Variants in CENPP observed in about 807,000 individuals in gnomAD.
CENPP encodes centromere protein P.
Under a neutral mutation model 35.6 loss-of-function variants are expected in CENPP, and 24 were observed. The ratio of observed to expected loss-of-function variants is 0.67; its 90% CI spans 0.49 to 0.95. The LOEUF (loss-of-function observed/expected upper bound fraction) is 0.95. Ranked by LOEUF, CENPP falls within the 40% of genes least tolerant of loss-of-function variation. The probability of loss-of-function intolerance (pLI) is 0.00; values close to 1 mark genes in which losing one functional copy is unlikely to be tolerated. For synonymous variants in CENPP, 120 were observed against 125.5 expected, an observed-to-expected ratio of 0.96 and a Z score of 0.29; for missense variants, 332 against 345.3, an observed-to-expected ratio of 0.96 and a Z score of 0.31.
At chr9:92,352,023 CTT>C (rs113545279) in intron 4 of CENPP, among the ~76,000 whole-genome samples, 3,210 of 132,340 alleles carry the variant, frequency 0.024, 47 homozygotes, top group South Asian at 0.071. Flanking sequence ...TTTTCTTTTC[CTT>C]TTTTTTTTTT....
intron 5 of CENPP, among the ~76,000 whole-genome samples, chr9:92,388,550 A>C (rs953688226): frequency 9.9e-5 from 15 of 151,968 alleles, no homozygotes; most frequent in African/African-American, 4.8e-5. Flanking sequence ...TTTAAAACAA[A>C]AAAAAAAAGG....
At chr9:92,449,250 G>T (rs1357248528) in intron 5 of CENPP, among the ~76,000 whole-genome samples, 1 of 151,776 alleles carries the variant, frequency 6.6e-6, no homozygotes, top group Non-Finnish European at 1.5e-5. Flanking sequence ...GACCATCGTG[G>T]CTAACACAGT....
chr9:92,411,142 T>C (rs2130947759), intron 5 of CENPP, among the ~76,000 whole-genome samples: 1 of 152,160 alleles, frequency 6.6e-6, no homozygotes, highest in South Asian at 2.1e-4. Flanking sequence ...CCAGCTACTT[T>C]TTTGTATTTT....
intron 5 of CENPP, among the ~76,000 whole-genome samples, chr9:92,552,190 T>TACACAC (rs59704602): frequency 0.045 from 4,707 of 104,164 alleles, 337 homozygotes; most frequent in Middle Eastern, 0.074. Flanking sequence ...ATCTATCATA[T>TACACAC]ACACACACAC....
At chr9:92,332,078 G>T in intron 1 of CENPP, 92 bp from the exon 2 acceptor site, 1 of 706,214 alleles carries the variant, frequency 1.4e-6, no homozygotes, top group Non-Finnish European at 2.2e-6. Context: ...AGAGTAAGAG[G>T]GACAAAATGG....
intron 5 of CENPP, among the ~76,000 whole-genome samples, chr9:92,486,916 G>A (rs935838522): frequency 1.3e-5 from 2 of 151,904 alleles, no homozygotes; most frequent in African/African-American, 2.4e-5. Flanking sequence ...TGAGTAGCTG[G>A]GATTACAGGT....
At chr9:92,330,688 G>GT (rs11396197) in intron 1 of CENPP, among the ~76,000 whole-genome samples, 42,777 of 120,984 alleles carry the variant, frequency 0.35, 8,424 homozygotes, top group African/African-American at 0.59. Context: ...TCTTTTCTTT[G>GT]TTTTTTTTTT....
intron 5 of CENPP, among the ~76,000 whole-genome samples, chr9:92,471,851 C>A (rs978583149): frequency 2.6e-5 from 4 of 151,778 alleles, no homozygotes; most frequent in Non-Finnish European, 5.9e-5. Flanking sequence ...CTAGACACAG[C>A]GTTTCGCCAT....
At chr9:92,441,124 G>T (rs757625112) in intron 5 of CENPP, among the ~76,000 whole-genome samples, 1 of 152,132 alleles carries the variant, frequency 6.6e-6, no homozygotes, top group Non-Finnish European at 1.5e-5. Context: ...ACAAGTGCAT[G>T]AATTTTTGTA....
At position 92,617,086 on chromosome 9, in the gene CENPP, G is replaced by GTAAC. The variant is rs1851465441; in HGVS notation, c.*3940_*3943dup. 6.6e-6 allele frequency: 1 copy of GTAAC among 152,212 alleles called. No individual in the cohort carries two copies. The highest frequency in any genetic ancestry group is 2.4e-5 in the African/African-American group (1 of 41,440). The allele number at this position is 152,212 out of a possible 1,614,324, so 9.4% of individuals were successfully genotyped here. On this transcript the variant is annotated 3_prime_UTR_variant, in exon 8 of 8. Transcript: ENST00000375587. Reference sequence around the variant, plus strand: ...ATCCCTGACTAAGCTGCTGGGGTAAGTAACTATTCTCATCTGAAGAGTAAA... The same window carrying GTAAC: ...ATCCCTGACTAAGCTGCTGGGGTAAGTAACTAACTATTCTCATCTGAAGAGTAAA...
chr9:92,398,283 C>A (rs1481828058), intron 5 of CENPP, among the ~76,000 whole-genome samples: 2 of 152,028 alleles, frequency 1.3e-5, no homozygotes, highest in Non-Finnish European at 2.9e-5. Flanking sequence ...TGTTTGTATT[C>A]CAATTTGGGT....
At chr9:92,510,148 C>G (rs1847248961) in intron 5 of CENPP, 15 of 1,189,910 alleles carry the variant, frequency 1.3e-5, no homozygotes, top group Non-Finnish European at 1.6e-5. Flanking sequence ...TAGGCTTAGA[C>G]AGTAATGTCC....
intron 5 of CENPP, chr9:92,502,721 A>T: frequency 7.8e-7 from 1 of 1,285,910 alleles, no homozygotes; most frequent in Non-Finnish European, 1.1e-6. Flanking sequence ...CATGGAGACT[A>T]AAATAGTGAC....
chr9:92,606,739 A>G (rs1429846773), intron 5 of CENPP, among the ~76,000 whole-genome samples: 2 of 152,060 alleles, frequency 1.3e-5, no homozygotes, highest in African/African-American at 2.4e-5. Context: ...CCCCATCTCT[A>G]CTAAAAATAC....
At chr9:92,343,001 A>AC (rs921915521) in intron 3 of CENPP, among the ~76,000 whole-genome samples, 12 of 152,202 alleles carry the variant, frequency 7.9e-5, no homozygotes, top group African/African-American at 2.9e-4. Flanking sequence ...TGACACAGCA[A>AC]CCTTGTGTGT....
In CENPP at chr9:92,354,043, T is replaced by C. The variant is rs1841530092; in HGVS notation, c.467+8256T>C. Among the ~76,000 whole-genome samples the C allele has an allele frequency of 1.3e-5, 2 of 152,218 alleles. 1 individual carries two copies. Among genetic ancestry groups the C allele is most frequent in the South Asian group, 4.1e-4 (2 of 4,834 alleles). On this transcript the variant is annotated intron_variant, in intron 4 of 7. Transcript: ENST00000375587. ...AACATGGTAAGACCAGTGAATTCCA[T>C]GAGCATGAGCCCACTGCTGCACTTC...
At chr9:92,573,903 G>A (rs545345854) in intron 5 of CENPP, among the ~76,000 whole-genome samples, 10 of 152,322 alleles carry the variant, frequency 6.6e-5, no homozygotes, top group South Asian at 2.1e-4. Flanking sequence ...TGAGCCAGGC[G>A]CGGGATGTAA....
At chr9:92,608,662 G>A (rs932415773) in intron 5 of CENPP, among the ~76,000 whole-genome samples, 4 of 152,140 alleles carry the variant, frequency 2.6e-5, no homozygotes, top group Non-Finnish European at 4.4e-5. Context: ...CCGTGACCTT[G>A]GCTAAAAGAA....
At chr9:92,379,402 G>T (rs1382426298) in intron 4 of CENPP, among the ~76,000 whole-genome samples, 1 of 152,208 alleles carries the variant, frequency 6.6e-6, no homozygotes, top group Non-Finnish European at 1.5e-5. Context: ...TATCACTCAG[G>T]AAGTTCCAAG....
Sources: gnomAD v4.1 joint callset for allele counts (sites outside exome capture counted in the v4.1 genomes callset) on GRCh38, gnomAD v4.1.1 for gene constraint, MANE v1.5 for transcripts, NCBI Gene and HGNC (gene_info 2026-07-23, HGNC 2026-07-21) for gene names.